Variants in ANO6 observed in about 807,000 individuals in gnomAD.
ANO6 encodes anoctamin 6, also known as anoctamin-6.
In ANO6, 106 loss-of-function variants were observed where a neutral mutation model predicts 117.5. The ratio of observed to expected loss-of-function variants is 0.90; its 90% confidence interval spans 0.77 to 1.06. ANO6 has a LOEUF of 1.06. Among genes scored for constraint, ANO6 ranks in the 50% least tolerant of loss-of-function variants. The probability of loss-of-function intolerance (pLI) is 0.00; values close to 1 mark genes in which losing one functional copy is unlikely to be tolerated. For synonymous variants in ANO6, 367 were observed against 385.1 expected, an observed-to-expected ratio of 0.95 and a Z score of 0.55; for missense variants, 955 against 1,121.1, an observed-to-expected ratio of 0.85 and a Z score of 2.12.
At position 45,346,301 on chromosome 12, in the gene ANO6, A is replaced by G. The variant is rs185260480; in HGVS notation, c.280-721A>G. ...TTTTTAAAAGGTCAAACAAGTCTCC[A>G]TCTTTGCATGCTTCCCTTACAACTT... On this transcript the variant is annotated intron_variant, in intron 3 of 19. Coordinates refer to ENST00000320560, the MANE Select transcript of ANO6 (RefSeq NM_001025356.3). 2.6e-3 allele frequency among the ~76,000 whole-genome samples: 398 copies of G among 152,334 alleles called. 1 individual carries two copies. The highest frequency in any genetic ancestry group is 5.1e-3 in the Non-Finnish European group (350 of 68,008).
chr12:45,425,265 T>C (rs1943472828), intron 19 of ANO6, among the ~76,000 whole-genome samples: 1 of 152,074 alleles, frequency 6.6e-6, no homozygotes, highest in African/African-American at 2.4e-5. Context: ...AAATTACTCC[T>C]GATATATCAC....
chr12:45,400,763 A>T (rs1942763857), intron 12 of ANO6, among the ~76,000 whole-genome samples: 1 of 152,190 alleles, frequency 6.6e-6, no homozygotes, highest in African/African-American at 2.4e-5. Flanking sequence ...TCCACAGGTG[A>T]CAACTGGCCT....
chr12:45,245,885 A>G (rs771184367), intron 1 of ANO6, among the ~76,000 whole-genome samples: 2 of 151,454 alleles, frequency 1.3e-5, no homozygotes, highest in Non-Finnish European at 2.9e-5. Context: ...GAATCTGTTA[A>G]TTGTAATTTT....
rs763476880 is a variant in ANO6, at chr12:45,350,678, CAG to C, written c.770_771del (p.Glu257GlyfsTer6). 1 of 1,613,708 alleles carries C rather than the reference CAG, an allele frequency of 6.2e-7. No individual in the cohort carries two copies. The highest frequency in any genetic ancestry group is 8.5e-7 in the Non-Finnish European group (1 of 1,179,802). ...TCACAGTGCAAATTCCGCCGTCAGT[CAG>C]AGGATCCCAGCTGCCCTAATGAACG... On this transcript the variant is annotated frameshift_variant, in exon 7 of 20. Transcript: ENST00000320560. LOFTEE classifies it high-confidence loss of function.
intron 7 of ANO6, among the ~76,000 whole-genome samples, chr12:45,351,321 A>C (rs548975573): frequency 6.6e-6 from 1 of 152,130 alleles, no homozygotes; most frequent in Non-Finnish European, 1.5e-5. Flanking sequence ...CTCTTTTCTT[A>C]TGTCTGCCTC....
intron 3 of ANO6, among the ~76,000 whole-genome samples, chr12:45,342,829 C>G (rs1941018713): frequency 6.6e-6 from 1 of 152,078 alleles, no homozygotes; most frequent in Non-Finnish European, 1.5e-5. Context: ...ATTTAATATT[C>G]TTAACATTGG....
chr12:45,410,722 A>G (rs901738261), intron 16 of ANO6, among the ~76,000 whole-genome samples: 2 of 152,258 alleles, frequency 1.3e-5, no homozygotes, highest in African/African-American at 4.8e-5. Context: ...CATGTTGGCA[A>G]AGACACCCCT....
chr12:45,291,345 T>C (rs1289618351), intron 1 of ANO6, among the ~76,000 whole-genome samples: 29 of 43,552 alleles, frequency 6.7e-4, no homozygotes, highest in Non-Finnish European at 1.0e-3. Flanking sequence ...AAACTCCGTC[T>C]CAAAAAAAAA....
chr12:45,433,007 TC>T (rs1324019938), downstream of ANO6, among the ~76,000 whole-genome samples: 2 of 152,212 alleles, frequency 1.3e-5, no homozygotes, highest in African/African-American at 4.8e-5. Context: ...CCAGTTACAA[TC>T]CAGGAAACTA....
intron 13 of ANO6, 55 bp downstream of exon 13, chr12:45,402,075 A>G (rs1349731815): frequency 1.5e-5 from 22 of 1,451,138 alleles, no homozygotes; most frequent in Non-Finnish European, 2.0e-5. Context: ...AACCTGCCAA[A>G]AATAGAGACT....
chr12:45,302,242 G>A, intron 2 of ANO6, 149 bp downstream of exon 2: 1 of 728,870 alleles, frequency 1.4e-6, no homozygotes, highest in Admixed American at 2.2e-5. Context: ...TCAGAGCTCT[G>A]GTGTCTCTTG....
intron 9 of ANO6, among the ~76,000 whole-genome samples, chr12:45,371,153 G>A (rs943948271): frequency 1.3e-5 from 2 of 152,126 alleles, no homozygotes; most frequent in Admixed American, 6.6e-5. Context: ...CTTTTCTGAC[G>A]GGCTTAAAAA....
rs553647880 is a variant in ANO6, at chr12:45,415,657, G to C, written c.2012-1042G>C. Among the ~76,000 whole-genome samples the C allele has an allele frequency of 1.2e-4, 18 of 152,358 alleles. No homozygotes were observed. The South Asian group carries it at 3.3e-3, about 28-fold the overall frequency. On this transcript the variant is annotated intron_variant, in intron 16 of 19. Transcript: ENST00000320560. ...TTCTCTGCATGAGTGTTCCTGCCTGGCCTGTGGGACTTACTGGATCCTTCT... is the reference window on the plus strand; with the variant it reads ...TTCTCTGCATGAGTGTTCCTGCCTGCCCTGTGGGACTTACTGGATCCTTCT...
chr12:45,340,114 G>GATGTGTA (rs1175394802), intron 3 of ANO6, among the ~76,000 whole-genome samples: 1 of 152,106 alleles, frequency 6.6e-6, no homozygotes, highest in African/African-American at 2.4e-5. Flanking sequence ...AGCCAAATGA[G>GATGTGTA]ATGTGTAATG....
intron 16 of ANO6, among the ~76,000 whole-genome samples, chr12:45,411,546 T>A (rs1476666577): frequency 6.6e-6 from 1 of 152,218 alleles, no homozygotes; most frequent in East Asian, 1.9e-4. Context: ...AAATAAACAT[T>A]GAGTGCCTTT....
At chr12:45,394,583 C>T in intron 12 of ANO6, among the ~76,000 whole-genome samples, 1 of 152,178 alleles carries the variant, frequency 6.6e-6, no homozygotes, top group Non-Finnish European at 1.5e-5. Context: ...AAATTGACCA[C>T]ATAATTGGAA....
intron 8 of ANO6, among the ~76,000 whole-genome samples, chr12:45,363,747 ATGG>A (rs1283294762): frequency 6.6e-6 from 1 of 152,072 alleles, no homozygotes; most frequent in African/African-American, 2.4e-5. Flanking sequence ...TATTGTTCTC[ATGG>A]TAGTGAATAA....
downstream of ANO6, among the ~76,000 whole-genome samples, chr12:45,433,982 T>TAA: frequency 6.6e-6 from 1 of 152,340 alleles, no homozygotes; most frequent in Admixed American, 6.5e-5. Flanking sequence ...GGTAGCCCTT[T>TAA]AAACCCCTTG....
chr12:45,427,936 C>CAAA lies in ANO6; in HGVS notation c.2527-1150_2527-1148dup, dbSNP rs35996135. Among the ~76,000 whole-genome samples the CAAA allele has an allele frequency of 7.7e-3, 482 of 62,852 alleles. 10 individuals are homozygous for CAAA. The highest frequency in any genetic ancestry group is 0.023 in the African/African-American group (430 of 18,866). The allele number at this position is 62,852 out of a possible 152,430, so 41.2% of individuals were successfully genotyped here. A position where few individuals can be genotyped will look rare whatever the true frequency, so the allele number is the denominator to read the frequency against. On this transcript the variant is annotated intron_variant, in intron 19 of 19. Transcript: ENST00000320560. Reference sequence around the variant, plus strand: ...CCTGAGTGACAGCAAGACTCTGCCTCAAAAAAAAAAAAAAAAAAAAAGGTT... The same window carrying CAAA: ...CCTGAGTGACAGCAAGACTCTGCCTCAAAAAAAAAAAAAAAAAAAAAAAAGGTT...
Sources: gnomAD v4.1 joint callset for allele counts (sites outside exome capture counted in the v4.1 genomes callset) on GRCh38, gnomAD v4.1.1 for gene constraint, MANE v1.5 for transcripts, NCBI Gene and HGNC (gene_info 2026-07-23, HGNC 2026-07-21) for gene names.